COPS7B: variants seen among roughly 807,000 people sequenced by gnomAD.
The protein encoded by COPS7B is COP9 signalosome complex subunit 7b.
In COPS7B, 9 loss-of-function variants were observed where a neutral mutation model predicts 33.4. The observed-to-expected ratio is 0.27, with a 90% CI of 0.16 to 0.47. The LOEUF is 0.47. Among genes scored for constraint, COPS7B ranks in the 20% least tolerant of loss-of-function variants. The probability of loss-of-function intolerance (pLI) is 0.99; values close to 1 mark genes in which losing one functional copy is unlikely to be tolerated. For missense variants in COPS7B, 242 were observed against 318.2 expected, an observed-to-expected ratio of 0.76 and a Z score of 1.82; for synonymous variants, 119 against 126.3, an observed-to-expected ratio of 0.94 and a Z score of 0.39.
At chr2:231,799,496 T>C (rs1486063333) in intron 6 of COPS7B, among the ~76,000 whole-genome samples, 2 of 152,220 alleles carry the variant, frequency 1.3e-5, no homozygotes, top group Non-Finnish European at 2.9e-5. Context: ...AAGAAAGGGA[T>C]AAAATTTGGC....
At chr2:231,786,299 C>T (rs1433150842), upstream of COPS7B, 1 of 323,764 alleles carries the variant, frequency 3.1e-6, no homozygotes, top group Non-Finnish European at 4.5e-6. Context: ...GACTCTTCCC[C>T]GCCCCCTCGC....
intron 5 of COPS7B, among the ~76,000 whole-genome samples, chr2:231,798,254 C>CTT (rs532747492): frequency 2.1e-4 from 25 of 116,738 alleles, no homozygotes; most frequent in African/African-American, 3.0e-4. Context: ...ATTCTACCTT[C>CTT]TTTTTTTTTT....
intron 6 of COPS7B, 74 bp from the exon 7 acceptor site, chr2:231,807,413 G>A (rs2106350817): frequency 7.2e-7 from 1 of 1,391,658 alleles, no homozygotes; most frequent in South Asian, 1.5e-5. Flanking sequence ...CCTGTCTGAA[G>A]TGAAGACATA....
At position 231,796,274 on chromosome 2, in the gene COPS7B, G is replaced by A. The variant is rs886472179; in HGVS notation, c.496G>A (p.Asp166Asn). The A allele has an allele frequency of 2.5e-5, 40 of 1,614,152 alleles. No homozygotes were observed. Among genetic ancestry groups the A allele is most frequent in the Non-Finnish European group, 3.3e-5 (39 of 1,180,028 alleles). Reference protein sequence around the residue: ...FCIGRDIRKKDINNIVKTLHE... With the variant: ...FCIGRDIRKKNINNIVKTLHE... ...CATTGGCCGTGACATCCGAAAGAAG[G>A]ATATCAATAATATTGTCAAGACCCT... is the stretch of plus-strand genomic sequence containing the variant. The change falls in exon 5 of 7, where the codon GAT (aspartate) becomes AAT (asparagine). Residue 166 changes from aspartate to asparagine, a missense_variant. By Grantham distance (23) the Asp-to-Asn change is conservative (BLOSUM62 1). Transcript: ENST00000350033.
upstream of COPS7B, among the ~76,000 whole-genome samples, chr2:231,785,600 T>G (rs939311281): frequency 1.3e-5 from 2 of 152,246 alleles, no homozygotes; most frequent in African/African-American, 4.8e-5. Context: ...TAAAGAAATG[T>G]TTTTGAATAA....
At chr2:231,782,340 A>G (rs1345375717), upstream of COPS7B, among the ~76,000 whole-genome samples, 2 of 152,144 alleles carry the variant, frequency 1.3e-5, no homozygotes, top group Admixed American at 6.5e-5. Flanking sequence ...CTTGCGAGTG[A>G]GGGAGTGTGA....
upstream of COPS7B, among the ~76,000 whole-genome samples, chr2:231,783,584 C>A (rs932190245): frequency 6.6e-6 from 1 of 152,148 alleles, no homozygotes; most frequent in Non-Finnish European, 1.5e-5. Flanking sequence ...CTGTTCTTTT[C>A]CCAACTTTTA....
At chr2:231,807,424 G>A (rs2049925600) in intron 6 of COPS7B, 63 bp from the exon 7 acceptor site, 8 of 1,476,112 alleles carry the variant, frequency 5.4e-6, no homozygotes, top group Non-Finnish European at 7.3e-6. Flanking sequence ...TGAAGACATA[G>A]TGAGAGCAAG....
intron 6 of COPS7B, among the ~76,000 whole-genome samples, chr2:231,799,786 G>A (rs1453501257): frequency 6.6e-6 from 1 of 152,114 alleles, no homozygotes; most frequent in East Asian, 1.9e-4. Context: ...TAAGAGTGGC[G>A]GAGTGGGACC....
chr2:231,796,450 A>C (rs2049573535), intron 5 of COPS7B, 142 bp downstream of exon 5: 1 of 674,246 alleles, frequency 1.5e-6, no homozygotes, highest in Admixed American at 2.5e-5. Context: ...CGGAGAGTGG[A>C]GCTACATTTG....
At chr2:231,806,448 G>C (rs2049896023) in intron 6 of COPS7B, among the ~76,000 whole-genome samples, 1 of 151,696 alleles carries the variant, frequency 6.6e-6, no homozygotes, top group Non-Finnish European at 1.5e-5. Flanking sequence ...AGCTGCTCAG[G>C]AGGCTGAGGT....
upstream of COPS7B, among the ~76,000 whole-genome samples, chr2:231,784,311 T>TA (rs1174394894): frequency 5.7e-3 from 812 of 142,608 alleles, 6 homozygotes; most frequent in Middle Eastern, 0.024. Context: ...ACCCCATCTT[T>TA]AAAAAAAAAA....
chr2:231,786,630 C>A (rs1278298835), intron 1 of COPS7B, 92 bp downstream of exon 1: 2 of 547,914 alleles, frequency 3.7e-6, no homozygotes, highest in East Asian at 2.9e-4. Flanking sequence ...AGGAAGCCCG[C>A]GGCCGTGCCC....
At chr2:231,787,993 G>T (rs963359163) in intron 1 of COPS7B, among the ~76,000 whole-genome samples, 1 of 152,206 alleles carries the variant, frequency 6.6e-6, no homozygotes, top group Non-Finnish European at 1.5e-5. Context: ...AGAAGGTGTT[G>T]CCTCTGGAGG....
At chr2:231,800,735 G>GT (rs1445209376) in intron 6 of COPS7B, among the ~76,000 whole-genome samples, 2 of 152,196 alleles carry the variant, frequency 1.3e-5, no homozygotes. Context: ...GCAGGTGGCG[G>GT]TAAGGATTTA....
In COPS7B at chr2:231,788,696, C is replaced by T; in HGVS notation, c.126C>T (p.Val42=). The T allele has an allele frequency of 3.1e-6, 5 of 1,614,178 alleles. 1 individual carries two copies. Among genetic ancestry groups the T allele is most frequent in the Non-Finnish European group, 4.2e-6 (5 of 1,180,020 alleles). ...SQVLEAPGVY[V]FGELLELANV... ...TCTTAGAGGCTCCCGGAGTGTATGT[C>T]TTTGGAGAACTTCTGGAGCTGGCCA... The change falls in exon 2 of 7, where the codon GTC becomes GTT. Residue 42 remains valine (V), a synonymous_variant. Transcript: ENST00000350033.
intron 6 of COPS7B, among the ~76,000 whole-genome samples, chr2:231,805,351 T>C (rs1308728309): frequency 1.3e-5 from 2 of 151,284 alleles, no homozygotes; most frequent in Non-Finnish European, 2.9e-5. Flanking sequence ...GGTTCCCAGA[T>C]TGTGTTTTGT....
In COPS7B at chr2:231,808,725, C is replaced by T. The variant is rs2049966304; in HGVS notation, c.*1080C>T. 5.6e-6 allele frequency: 1 copy of T among 178,598 alleles called. No individual in the cohort carries two copies. Among genetic ancestry groups the T allele is most frequent in the Non-Finnish European group, 1.1e-5 (1 of 89,640 alleles). 11.1% of individuals were successfully genotyped at this position (178,598 alleles called of 1,614,324 possible). A position where few individuals can be genotyped will look rare whatever the true frequency, so the allele number is the denominator to read the frequency against. ...ATACATTTCAACATGCTTTTGTCCCCCCTCGTGTCAATATTTGTTATAGAC... is the reference window on the plus strand; with the variant it reads ...ATACATTTCAACATGCTTTTGTCCCTCCTCGTGTCAATATTTGTTATAGAC... On this transcript the variant is annotated 3_prime_UTR_variant, in exon 7 of 7. Transcript: ENST00000350033.
intron 5 of COPS7B, among the ~76,000 whole-genome samples, chr2:231,798,250 CCTT>C (rs1222023087): frequency 1.4e-5 from 2 of 143,696 alleles, no homozygotes; most frequent in Non-Finnish European, 3.0e-5. Flanking sequence ...ATCTATTCTA[CCTT>C]CTTTTTTTTT....
Sources: allele counts gnomAD v4.1 joint callset (sites outside exome capture counted in the v4.1 genomes callset), GRCh38; gene constraint gnomAD v4.1.1; transcripts MANE v1.5; gene names NCBI Gene and HGNC (gene_info 2026-07-23, HGNC 2026-07-21).